The following CD84 variants were observed in gnomAD, a reference collection of about 807,000 sequenced individuals.
The protein encoded by CD84 is SLAM family member 5.
Under a neutral mutation model 33.8 loss-of-function variants are expected in CD84, and 22 were observed. The ratio of observed to expected loss-of-function variants is 0.65; its 90% CI spans 0.46 to 0.93. The LOEUF is 0.93. Ranked by LOEUF, CD84 falls within the 40% of genes least tolerant of loss-of-function variation. CD84 has a pLI of 0.00. For missense variants in CD84, 400 were observed against 397.6 expected (o/e 1.01, Z -0.05); for synonymous variants, 154 against 145.2 (o/e 1.06, Z -0.44).
In CD84 at chr1:160,547,926, A is replaced by G. The variant is rs562379061; in HGVS notation, c.*330T>C. The G allele has an allele frequency of 3.0e-6, 1 of 338,890 alleles. No individual in the cohort carries two copies. The highest frequency in any genetic ancestry group is 4.1e-5 in the Admixed American group (1 of 24,370). 21.0% of individuals were successfully genotyped at this position (338,890 alleles called of 1,614,324 possible). A position where few individuals can be genotyped will look rare whatever the true frequency, so the allele number is the denominator to read the frequency against. ...GCCTCTAGTCATATGCAGCTTCCAG[A>G]AGTGAGCAATCTTGCTTGTTTATCC... On this transcript the variant is annotated 3_prime_UTR_variant, in exon 7 of 7. Coordinates refer to ENST00000368054, the MANE Select transcript of CD84 (RefSeq NM_003874.4).
In CD84 at chr1:160,543,135, A is replaced by T. The variant is rs1655629078; in HGVS notation, c.*5121T>A. ...AATTAAATGGGCATTTTCAGCAGGA[A>T]AGTTGAGTGGTTATCCAGATAGCAA... On this transcript the variant is annotated 3_prime_UTR_variant, in exon 7 of 7. Transcript: ENST00000368054. 1 of 152,200 alleles carries T rather than the reference A, an allele frequency of 6.6e-6. No homozygotes were observed. Among genetic ancestry groups the T allele is most frequent in the South Asian group, 2.1e-4 (1 of 4,828 alleles). The allele number at this position is 152,200 out of a possible 1,614,324, so 9.4% of individuals were successfully genotyped here.
Position 160,548,067 on chromosome 1 carries a change from G to A in CD84, c.*189C>T, listed in dbSNP as rs1655937849. ...TCAGAAGGGAGTCATTTCAGGAAGG[G>A]TATGCATCCATTTGTCCATTTAGGC... On this transcript the variant is annotated 3_prime_UTR_variant, in exon 7 of 7. Transcript: ENST00000368054. 2 of 619,888 alleles carry A rather than the reference G, an allele frequency of 3.2e-6. No individual in the cohort carries two copies. The highest frequency in any genetic ancestry group is 2.7e-5 in the Admixed American group (1 of 37,014). 38.4% of individuals were successfully genotyped at this position (619,888 alleles called of 1,614,324 possible).
chr1:160,548,199 C>T lies in CD84; in HGVS notation c.*57G>A, dbSNP rs1352300741. 1 of 1,569,386 alleles carries T rather than the reference C, an allele frequency of 6.4e-7. No individual in the cohort carries two copies. Among genetic ancestry groups the T allele is most frequent in the Non-Finnish European group, 8.8e-7 (1 of 1,139,732 alleles). ...GCAGAGAAGATCTGGATCCAGGGAA[C>T]CTGCCAGTATTGGTGGTTGTAACTC... On this transcript the variant is annotated 3_prime_UTR_variant, in exon 7 of 7. Transcript: ENST00000368054.
chr1:160,552,234 C>G (rs76599166), intron 4 of CD84, among the ~76,000 whole-genome samples: 3,031 of 152,226 alleles, frequency 0.02, 105 homozygotes, highest in African/African-American at 0.069. Flanking sequence ...CAAGAGTCAG[C>G]GAGGGATTGA....
In CD84 at chr1:160,542,764, G is replaced by A. The variant is rs974187117; in HGVS notation, c.*5492C>T. 1 of 152,184 alleles carries A rather than the reference G, an allele frequency of 6.6e-6. No individual in the cohort carries two copies. Among genetic ancestry groups the A allele is most frequent in the Non-Finnish European group, 1.5e-5 (1 of 68,042 alleles). The allele number at this position is 152,184 out of a possible 1,614,324, so 9.4% of individuals were successfully genotyped here. Reference sequence around the variant, plus strand: ...CAAAGTCTGCAAGTCTCTAGAGAATGTATTAGTCATTACTTTCCTCCCTCA... The same window carrying A: ...CAAAGTCTGCAAGTCTCTAGAGAATATATTAGTCATTACTTTCCTCCCTCA... On this transcript the variant is annotated 3_prime_UTR_variant, in exon 7 of 7. Transcript: ENST00000368054.
chr1:160,573,288 A>C (rs1657804789), intron 1 of CD84, among the ~76,000 whole-genome samples: 2 of 152,204 alleles, frequency 1.3e-5, no homozygotes, highest in Admixed American at 1.3e-4. Context: ...TTTTGGGTGG[A>C]ATCCAAAGTC....
chr1:160,553,717 A>G (rs1357922419), intron 3 of CD84, 178 bp downstream of exon 3: 3 of 1,048,210 alleles, frequency 2.9e-6, no homozygotes, highest in Non-Finnish European at 2.7e-6. Context: ...AATGTCTAGC[A>G]TCTCTCAGAA....
chr1:160,565,435 G>A lies in CD84; in HGVS notation c.357C>T (p.Thr119=). The A allele has an allele frequency of 1.2e-6, 2 of 1,612,198 alleles. No individual in the cohort carries two copies. The highest frequency in any genetic ancestry group is 1.7e-6 in the Non-Finnish European group (2 of 1,179,014). The change falls in exon 2 of 7, where the codon ACC becomes ACT. Residue 119 remains threonine (T), a synonymous_variant. Coordinates refer to ENST00000368054, the MANE Select transcript of CD84 (RefSeq NM_003874.4). ...ADINTQADPY[T]TTKRYNLQIY... ...TTTGCAGGTTGTAGCGCTTGGTGGT[G>A]GTGTAGGGATCAGCCTGTGTATTTA...
At chr1:160,577,972 C>G (rs1658075111) in intron 1 of CD84, among the ~76,000 whole-genome samples, 1 of 152,036 alleles carries the variant, frequency 6.6e-6, no homozygotes, top group Non-Finnish European at 1.5e-5. Context: ...AGGTATTAAC[C>G]TTTTGAAGAG....
chr1:160,575,119 T>C (rs778381935), intron 1 of CD84, among the ~76,000 whole-genome samples: 1 of 152,182 alleles, frequency 6.6e-6, no homozygotes, highest in Non-Finnish European at 1.5e-5. Context: ...CTTGTTCTTT[T>C]TTTGTGGCAC....
rs145449520 is a variant in CD84, at chr1:160,546,904, G to T, written c.*1352C>A. The T allele has an allele frequency of 2.6e-6, 1 of 383,980 alleles. No homozygotes were observed. Among genetic ancestry groups the T allele is most frequent in the East Asian group, 3.7e-5 (1 of 26,978 alleles). 23.8% of individuals were successfully genotyped at this position (383,980 alleles called of 1,614,324 possible). On this transcript the variant is annotated 3_prime_UTR_variant, in exon 7 of 7. Coordinates refer to ENST00000368054, the MANE Select transcript of CD84 (RefSeq NM_003874.4). ...GCTAATGGTAGTTGGTGCTAGATGA[G>T]TCTATGGATTCATTTACTGGGACTG...
rs1326134936 is a variant in CD84, at chr1:160,546,627, G to C, written c.*1629C>G. ...ATACACCCCACTGATCCAGGCCCCTGCTCATTTTTCATGCTTCTCTCACTT... is the reference window on the plus strand; with the variant it reads ...ATACACCCCACTGATCCAGGCCCCTCCTCATTTTTCATGCTTCTCTCACTT... On this transcript the variant is annotated 3_prime_UTR_variant, in exon 7 of 7. Coordinates refer to ENST00000368054, the MANE Select transcript of CD84 (RefSeq NM_003874.4). The C allele has an allele frequency of 6.6e-6, 1 of 152,432 alleles. No homozygotes were observed. The highest frequency in any genetic ancestry group is 1.5e-5 in the Non-Finnish European group (1 of 68,248). 9.4% of individuals were successfully genotyped at this position (152,432 alleles called of 1,614,324 possible). A position where few individuals can be genotyped will look rare whatever the true frequency, so the allele number is the denominator to read the frequency against.
At chr1:160,578,522 G>A (rs999021601) in intron 1 of CD84, among the ~76,000 whole-genome samples, 5 of 152,160 alleles carry the variant, frequency 3.3e-5, no homozygotes, top group Admixed American at 3.3e-4. Flanking sequence ...TAGGTTCCCA[G>A]GGTTCTAACT....
chr1:160,552,810 G>A, intron 4 of CD84: 2 of 1,156,456 alleles, frequency 1.7e-6, no homozygotes, highest in Non-Finnish European at 2.5e-6. Context: ...GTGATTGGTG[G>A]GAAAAGGAAG....
chr1:160,550,930 C>G lies in CD84; in HGVS notation c.858+8G>C. The G allele has an allele frequency of 6.2e-7, 1 of 1,612,534 alleles. No individual in the cohort carries two copies. Among genetic ancestry groups the G allele is most frequent in the Non-Finnish European group, 8.5e-7 (1 of 1,178,572 alleles). ...GCACAGGGGTGTCCATGAATTGCATCAGCTCACCTTGGACTGCAGGATTTC... is the reference window on the plus strand; with the variant it reads ...GCACAGGGGTGTCCATGAATTGCATGAGCTCACCTTGGACTGCAGGATTTC... On this transcript the variant is annotated splice_region_variant and intron_variant, in intron 5 of 6. Transcript: ENST00000368054.
intron 2 of CD84, among the ~76,000 whole-genome samples, chr1:160,554,619 ATTC>A (rs755178450): frequency 2.6e-5 from 4 of 152,266 alleles, no homozygotes; most frequent in Non-Finnish European, 4.4e-5. Context: ...AATAGGAAGT[ATTC>A]TTCTGGTATT....
intron 1 of CD84, among the ~76,000 whole-genome samples, 169 bp downstream of exon 1, chr1:160,579,223 A>T (rs1439795030): frequency 6.6e-6 from 1 of 152,168 alleles, no homozygotes; most frequent in African/African-American, 2.4e-5. Flanking sequence ...CTTAGGTTTG[A>T]ATTTTAAGTC....
chr1:160,567,072 C>T (rs1385689293), intron 1 of CD84, among the ~76,000 whole-genome samples: 2 of 152,088 alleles, frequency 1.3e-5, no homozygotes, highest in Non-Finnish European at 2.9e-5. Flanking sequence ...GGGCCTTGAC[C>T]AATCAGAAAG....
At chr1:160,556,596 T>C (rs779366293) in intron 2 of CD84, among the ~76,000 whole-genome samples, 12 of 152,272 alleles carry the variant, frequency 7.9e-5, no homozygotes, top group Non-Finnish European at 1.6e-4. Flanking sequence ...TATTATCTTT[T>C]GCTCTTTTTG....
Sources: gnomAD v4.1 joint callset for allele counts (sites outside exome capture counted in the v4.1 genomes callset) on GRCh38, gnomAD v4.1.1 for gene constraint, MANE v1.5 for transcripts, NCBI Gene and HGNC (gene_info 2026-07-23, HGNC 2026-07-21) for gene names.